The following PCDH7 variants were observed in gnomAD, a reference collection of about 807,000 sequenced individuals.
PCDH7 encodes the protein protocadherin 7.
In PCDH7, 17 loss-of-function variants were observed where a neutral mutation model predicts 58.9. That is an observed-to-expected ratio of 0.29 (90% CI 0.20 to 0.43). The LOEUF (loss-of-function observed/expected upper bound fraction) is 0.43. Among genes scored for constraint, PCDH7 ranks in the 20% least tolerant of loss-of-function variants. The probability of loss-of-function intolerance (pLI) is 1.00; values close to 1 mark genes in which losing one functional copy is unlikely to be tolerated. For missense variants in PCDH7, 1,274 were observed against 1,441.0 expected (o/e 0.88, Z 1.88); for synonymous variants, 664 against 616.4 (o/e 1.08, Z -1.14).
chr4:31,000,929 G>A (rs554658982), intron 3 of PCDH7, among the ~76,000 whole-genome samples: 107 of 152,176 alleles, frequency 7.0e-4, no homozygotes, highest in Non-Finnish European at 1.1e-3. Flanking sequence ...TAGAGTCTAT[G>A]TGTACACACC....
Position 30,723,285 on chromosome 4 carries a change from C to T in PCDH7, c.1863C>T (p.Gly621=), listed in dbSNP as rs1475183092. The change falls in exon 1 of 2, where the codon GGC becomes GGT. Residue 621 remains glycine (G), a synonymous_variant. Coordinates refer to ENST00000361762, the Ensembl canonical transcript of PCDH7. The surrounding 1 kb of genome is among the most constrained non-coding windows in gnomAD (Gnocchi z 4.6). The stretch of plus-strand genomic sequence containing the variant: ...ACAAAGGCATCCCCGTGCTGCAGGG[C>T]AGCACTACGGTGATTGTGCAGGTGG... The T allele has an allele frequency of 6.2e-7, 1 of 1,614,216 alleles. No individual in the cohort carries two copies. The highest frequency in any genetic ancestry group is 8.5e-7 in the Non-Finnish European group (1 of 1,180,044).
At chr4:31,063,157 T>A (rs144944041) in intron 3 of PCDH7, among the ~76,000 whole-genome samples, 244 of 152,022 alleles carry the variant, frequency 1.6e-3, no homozygotes, top group Non-Finnish European at 2.9e-3. Context: ...CAGATAGATC[T>A]ATTATTATTT....
chr4:30,908,355 C>A (rs1741272613), intron 1 of PCDH7, among the ~76,000 whole-genome samples: 1 of 151,650 alleles, frequency 6.6e-6, no homozygotes, highest in South Asian at 2.1e-4. Flanking sequence ...AGTGAAAGCA[C>A]AAATGCCCAA....
chr4:31,025,847 G>A (rs1033848450), intron 3 of PCDH7, among the ~76,000 whole-genome samples: 1 of 152,156 alleles, frequency 6.6e-6, no homozygotes, highest in Non-Finnish European at 1.5e-5. Context: ...CTGAAAGTAT[G>A]AATATAACAA....
At chr4:31,045,780 T>C (rs1338140168) in intron 3 of PCDH7, among the ~76,000 whole-genome samples, 1 of 151,984 alleles carries the variant, frequency 6.6e-6, no homozygotes, top group Admixed American at 6.6e-5. Flanking sequence ...TGAGGACAAG[T>C]TTGAAGAACC....
At chr4:30,731,079 A>C (rs1715424706) in exon 2 of PCDH7, 1 of 1,115,900 alleles carries the variant, frequency 9.0e-7, no homozygotes, top group East Asian at 4.9e-5. Flanking sequence ...CGTAACAGTG[A>C]TGTCTTTTAA....
At chr4:31,067,804 GAT>G (rs1758217025) in intron 3 of PCDH7, among the ~76,000 whole-genome samples, 1 of 151,932 alleles carries the variant, frequency 6.6e-6, no homozygotes, top group Admixed American at 6.6e-5. Flanking sequence ...TTCATTCTAA[GAT>G]ATCATAGAAA....
At chr4:31,137,771 A>T (rs1359846210) in intron 3 of PCDH7, among the ~76,000 whole-genome samples, 1 of 152,220 alleles carries the variant, frequency 6.6e-6, no homozygotes, top group African/African-American at 2.4e-5. Flanking sequence ...CATGGCCAGC[A>T]AATTAAATAA....
chr4:30,742,194 A>C (rs1296652313), intron 1 of PCDH7, among the ~76,000 whole-genome samples: 1 of 152,200 alleles, frequency 6.6e-6, no homozygotes. Flanking sequence ...TTGTAAAATT[A>C]GAACAGTTAT....
chr4:30,746,187 C>T (rs1473686720), intron 1 of PCDH7, among the ~76,000 whole-genome samples: 3 of 152,032 alleles, frequency 2.0e-5, no homozygotes, highest in South Asian at 2.1e-4. Context: ...ACTCTCACCT[C>T]GAGGAAATAA....
chr4:31,039,072 CAATGAAAT>C (rs141119232), intron 3 of PCDH7, among the ~76,000 whole-genome samples: 1 of 151,890 alleles, frequency 6.6e-6, no homozygotes, highest in African/African-American at 2.4e-5. Flanking sequence ...TACTCAAAAG[CAATGAAAT>C]AATTTCTGTA....
intron 1 of PCDH7, among the ~76,000 whole-genome samples, chr4:30,855,522 CCAGT>C (rs1352123067): frequency 6.6e-6 from 1 of 152,168 alleles, no homozygotes; most frequent in Non-Finnish European, 1.5e-5. Context: ...TCCTTAATCA[CCAGT>C]CAAATGAGCC....
intron 3 of PCDH7, among the ~76,000 whole-genome samples, chr4:31,026,292 C>G (rs570072246): frequency 6.6e-6 from 1 of 152,294 alleles, no homozygotes; most frequent in African/African-American, 2.4e-5. Context: ...TTCTGTGCCA[C>G]AAGTTGTACC....
At chr4:30,905,668 G>T (rs774419437) in intron 1 of PCDH7, among the ~76,000 whole-genome samples, 4 of 152,064 alleles carry the variant, frequency 2.6e-5, no homozygotes, top group African/African-American at 9.7e-5. Context: ...AGTATTTTTC[G>T]CATTAGTTGC....
intron 1 of PCDH7, among the ~76,000 whole-genome samples, chr4:30,823,958 G>T (rs1025190377): frequency 6.6e-6 from 1 of 152,030 alleles, no homozygotes; most frequent in African/African-American, 2.4e-5. Flanking sequence ...TTGGAATAAA[G>T]AACCCAGAAT....
At chr4:31,123,330 T>C (rs1469822083) in intron 3 of PCDH7, among the ~76,000 whole-genome samples, 1 of 152,114 alleles carries the variant, frequency 6.6e-6, no homozygotes, top group Non-Finnish European at 1.5e-5. Flanking sequence ...CTATCAAATA[T>C]GTGTGGGAGA....
intron 1 of PCDH7, among the ~76,000 whole-genome samples, chr4:30,860,085 A>C (rs1488501120): frequency 3.3e-5 from 5 of 152,202 alleles, no homozygotes; most frequent in Non-Finnish European, 7.3e-5. Context: ...TTCAAACACA[A>C]ACATCAGTAA....
chr4:31,039,899 C>T (rs1755712639), intron 3 of PCDH7, among the ~76,000 whole-genome samples: 1 of 152,062 alleles, frequency 6.6e-6, no homozygotes, highest in African/African-American at 2.4e-5. Flanking sequence ...GACAGAACTT[C>T]TAGACATTCA....
chr4:31,100,209 A>G (rs1560224317), intron 3 of PCDH7, among the ~76,000 whole-genome samples: 1 of 152,210 alleles, frequency 6.6e-6, no homozygotes, highest in Non-Finnish European at 1.5e-5. Context: ...ATAAAAAAGA[A>G]GTAAAGCTCG....
Sources: allele counts gnomAD v4.1 joint callset (sites outside exome capture counted in the v4.1 genomes callset), GRCh38; gene constraint gnomAD v4.1.1; non-coding constraint Gnocchi (gnomAD v3.1); transcripts MANE v1.5; gene names NCBI Gene and HGNC (gene_info 2026-07-23, HGNC 2026-07-21).